Variants in PTPRT observed in about 807,000 individuals in gnomAD.
PTPRT encodes protein tyrosine phosphatase receptor type T, also known as receptor-type tyrosine-protein phosphatase T.
PTPRT carries 56 observed loss-of-function variants against 176.8 expected under a neutral mutation model. That is an observed-to-expected ratio of 0.32 (90% CI 0.26 to 0.40). PTPRT has a LOEUF of 0.40. Ranked by LOEUF, PTPRT falls within the 10% of genes least tolerant of loss-of-function variation. PTPRT has a pLI of 1.00. For synonymous variants in PTPRT, 783 were observed against 739.0 expected, an observed-to-expected ratio of 1.06 and a Z score of -0.96; for missense variants, 1,540 against 1,908.2, an observed-to-expected ratio of 0.81 and a Z score of 3.60.
In PTPRT at chr20:42,508,886, TTAATTTATAAATATAAATAATA is replaced by T. The variant is rs1474699532; in HGVS notation, c.1154-36346_1154-36325del. ...GTTTATCCTTACACTTAATTTATAT[TTAATTTATAAATATAAATAATA>T]TAATTTATAAATATAAATAATATAA... On this transcript the variant is annotated intron_variant, in intron 7 of 30. Transcript: ENST00000373187. 2.9e-3 allele frequency among the ~76,000 whole-genome samples: 426 copies of T among 146,174 alleles called. 4 individuals are homozygous for T. Among genetic ancestry groups the T allele is most frequent in the African/African-American group, 7.6e-3 (307 of 40,260 alleles).
intron 7 of PTPRT, among the ~76,000 whole-genome samples, chr20:42,528,767 C>T (rs1317542194): frequency 6.6e-5 from 10 of 152,222 alleles, no homozygotes; most frequent in Non-Finnish European, 1.3e-4. Flanking sequence ...AATATAAATA[C>T]TAAGACATAA....
intron 27 of PTPRT, among the ~76,000 whole-genome samples, chr20:42,093,960 C>T (rs1469789051): frequency 6.6e-6 from 1 of 152,220 alleles, no homozygotes; most frequent in Non-Finnish European, 1.5e-5. Context: ...GGCAGCCAAC[C>T]TCAGGGTACT....
intron 17 of PTPRT, among the ~76,000 whole-genome samples, chr20:42,146,936 G>A (rs6102693): frequency 0.3 from 45,967 of 151,954 alleles, 8,106 homozygotes; most frequent in African/African-American, 0.49. Flanking sequence ...ACCTGAGTCC[G>A]TCTGACAAAC....
At chr20:42,056,423 G>A in the PTPRT span, among the ~76,000 whole-genome samples, 1 of 152,194 alleles carries the variant, frequency 6.6e-6, no homozygotes, top group African/African-American at 2.4e-5. Context: ...TAGGTGAGAT[G>A]GAGGGCTTGG....
At chr20:42,067,872 G>A (rs921982794), downstream of PTPRT, among the ~76,000 whole-genome samples, 23 of 152,262 alleles carry the variant, frequency 1.5e-4, no homozygotes, top group African/African-American at 4.6e-4. Context: ...GTGTTCCCCT[G>A]AAAGCAAAAC....
chr20:43,130,781 G>A (rs1176446779), intron 1 of PTPRT, among the ~76,000 whole-genome samples: 1 of 142,896 alleles, frequency 7.0e-6, no homozygotes, highest in East Asian at 2.0e-4. Flanking sequence ...ACACGAAAAT[G>A]TAACAAGATT....
chr20:42,174,300 G>C (rs987373192), intron 16 of PTPRT, among the ~76,000 whole-genome samples: 14 of 152,152 alleles, frequency 9.2e-5, no homozygotes, highest in African/African-American at 3.4e-4. Context: ...AGCATGAAGG[G>C]AGTGATAAGG....
At chr20:42,550,451 G>GT (rs544439791) in intron 7 of PTPRT, among the ~76,000 whole-genome samples, 61 of 151,426 alleles carry the variant, frequency 4.0e-4, no homozygotes, top group East Asian at 2.9e-3. Context: ...TTGGATTAGG[G>GT]TTTTTTTTTA....
At chr20:42,633,838 A>C (rs1392676123) in intron 7 of PTPRT, among the ~76,000 whole-genome samples, 1 of 94,544 alleles carries the variant, frequency 1.1e-5, no homozygotes, top group Non-Finnish European at 1.9e-5. Context: ...TTAATATATT[A>C]TAATAATATA....
chr20:42,737,047 C>T (rs933439382), intron 6 of PTPRT, among the ~76,000 whole-genome samples: 9 of 152,142 alleles, frequency 5.9e-5, no homozygotes, highest in Non-Finnish European at 8.8e-5. Context: ...ATGGGTGCTG[C>T]GGATTCAATT....
chr20:42,167,494 A>C (rs925595308), intron 16 of PTPRT, among the ~76,000 whole-genome samples: 3 of 152,202 alleles, frequency 2.0e-5, no homozygotes, highest in African/African-American at 7.2e-5. Context: ...TTTCTTAACT[A>C]GCTAATCAAA....
At chr20:42,562,228 G>T (rs140628347) in intron 7 of PTPRT, among the ~76,000 whole-genome samples, 23 of 152,208 alleles carry the variant, frequency 1.5e-4, no homozygotes, top group African/African-American at 5.3e-4. Context: ...TACATTTCCA[G>T]CCCTCCAGAA....
At chr20:42,163,519 CCCCT>C (rs1278954621) in intron 16 of PTPRT, among the ~76,000 whole-genome samples, 2 of 152,160 alleles carry the variant, frequency 1.3e-5, no homozygotes, top group African/African-American at 2.4e-5. Context: ...TCTCCATCAA[CCCCT>C]TGGTTTCATG....
intron 2 of PTPRT, among the ~76,000 whole-genome samples, chr20:42,817,267 G>A (rs1163493904): frequency 6.6e-6 from 1 of 151,930 alleles, no homozygotes; most frequent in Non-Finnish European, 1.5e-5. Context: ...TGGATGACCT[G>A]TGAGGGCGGG....
At chr20:42,730,957 C>T (rs2076451642) in intron 6 of PTPRT, among the ~76,000 whole-genome samples, 1 of 152,152 alleles carries the variant, frequency 6.6e-6, no homozygotes. Context: ...GGTGTCCATA[C>T]AGCTTTCCCA....
At position 42,417,978 on chromosome 20, in the gene PTPRT, A is replaced by T. The variant is rs1255230537; in HGVS notation, c.1560+30242T>A. Among the ~76,000 whole-genome samples the T allele has an allele frequency of 2.0e-5, 3 of 152,096 alleles. No individual in the cohort carries two copies. In the East Asian group the frequency reaches 5.8e-4, roughly 29 times the overall value. On this transcript the variant is annotated intron_variant, in intron 9 of 30. Coordinates refer to ENST00000373187, the MANE Select transcript of PTPRT (RefSeq NM_007050.6). Reference sequence around the variant, plus strand: ...TGCTCGACATTTTTTGATCCCCTACAATGTTCCAGAAGTTCTCACACATAA... The same window carrying T: ...TGCTCGACATTTTTTGATCCCCTACTATGTTCCAGAAGTTCTCACACATAA...
chr20:42,716,075 C>T (rs1189209948), intron 6 of PTPRT, among the ~76,000 whole-genome samples: 1 of 152,120 alleles, frequency 6.6e-6, no homozygotes, highest in African/African-American at 2.4e-5. Context: ...GAATCTTCCA[C>T]TCTTGGTGGC....
intron 1 of PTPRT, among the ~76,000 whole-genome samples, chr20:42,908,053 C>T (rs1332603588): frequency 5.9e-5 from 9 of 151,988 alleles, no homozygotes; most frequent in Admixed American, 5.9e-4. Flanking sequence ...AGAGTAGCCC[C>T]CCATGTCTTC....
chr20:43,181,369 G>A (rs1248525356), intron 1 of PTPRT, among the ~76,000 whole-genome samples: 1 of 151,564 alleles, frequency 6.6e-6, no homozygotes, highest in Non-Finnish European at 1.5e-5. Context: ...TTTAGAACAG[G>A]AGTTGGGCCT....
Sources: gnomAD v4.1 joint callset for allele counts (sites outside exome capture counted in the v4.1 genomes callset) on GRCh38, gnomAD v4.1.1 for gene constraint, MANE v1.5 for transcripts, NCBI Gene and HGNC (gene_info 2026-07-23, HGNC 2026-07-21) for gene names.